ZSCAN5A: variants seen among roughly 807,000 people sequenced by gnomAD.
ZSCAN5A encodes the protein zinc finger and SCAN domain-containing protein 5A.
A neutral mutation model predicts 23.7 loss-of-function variants in ZSCAN5A; 12 were observed. The ratio of observed to expected loss-of-function variants is 0.51; its 90% CI spans 0.32 to 0.82. The LOEUF (loss-of-function observed/expected upper bound fraction) is 0.82. Ranked by LOEUF, ZSCAN5A falls within the 40% of genes least tolerant of loss-of-function variation. The pLI is 0.03. For missense variants in ZSCAN5A, 597 were observed against 617.9 expected (o/e 0.97, Z 0.36); for synonymous variants, 257 against 239.9 (o/e 1.07, Z -0.66).
chr19:56,304,220 G>C (rs1464409784), intron 2 of ZSCAN5A, among the ~76,000 whole-genome samples: 1 of 152,260 alleles, frequency 6.6e-6, no homozygotes, highest in East Asian at 1.9e-4. Context: ...ATGGAGATGA[G>C]AGCCGTGCAG....
Position 56,223,661 on chromosome 19 carries a change from C to A in ZSCAN5A, c.558G>T (p.Leu186=), listed in dbSNP as rs1346525169. 1 of 1,613,840 alleles carries A rather than the reference C, an allele frequency of 6.2e-7. No homozygotes were observed. The highest frequency in any genetic ancestry group is 8.5e-7 in the Non-Finnish European group (1 of 1,179,958). Residue 186 remains leucine (L), a synonymous_variant, in exon 4 of 6, where the codon CTG becomes CTT. Coordinates refer to ENST00000683990, the MANE Select transcript of ZSCAN5A (RefSeq NM_001322064.3). ...EGQAHRELQI[L]PRVPALSRRQ... ...TCCTGGACAATGCAGGGACCCTGGGCAGGATCTGCAGCTCTCGGTGGGCCT... is the reference window on the plus strand; with the variant it reads ...TCCTGGACAATGCAGGGACCCTGGGAAGGATCTGCAGCTCTCGGTGGGCCT...
intron 2 of ZSCAN5A, chr19:56,286,488 C>T (rs1245361068): frequency 6.6e-6 from 1 of 152,108 alleles, no homozygotes; most frequent in African/African-American, 2.4e-5. Flanking sequence ...AGTCAATAAA[C>T]TTGAAAAAGT....
chr19:56,304,571 G>A (rs919241023), intron 2 of ZSCAN5A, among the ~76,000 whole-genome samples: 9 of 152,222 alleles, frequency 5.9e-5, no homozygotes, highest in African/African-American at 2.2e-4. Context: ...TTATGGGGAT[G>A]AGGAGAACTG....
intron 2 of ZSCAN5A, among the ~76,000 whole-genome samples, chr19:56,237,772 T>C (rs2035046615): frequency 6.6e-6 from 1 of 151,806 alleles, no homozygotes; most frequent in Non-Finnish European, 1.5e-5. Flanking sequence ...ATATAAAAAT[T>C]AGCCGGGCAT....
At chr19:56,307,222 G>A (rs1179741303) in intron 2 of ZSCAN5A, among the ~76,000 whole-genome samples, 2 of 152,016 alleles carry the variant, frequency 1.3e-5, no homozygotes, top group African/African-American at 4.8e-5. Flanking sequence ...CCTCTCCCAC[G>A]TCGCCTGCCT....
chr19:56,277,662 A>C (rs2147024042), intron 2 of ZSCAN5A, among the ~76,000 whole-genome samples: 1 of 152,276 alleles, frequency 6.6e-6, no homozygotes, highest in East Asian at 1.9e-4. Context: ...GAAATGGGTG[A>C]ATTGCATGGT....
At chr19:56,343,439 G>A (rs548611826) in intron 2 of ZSCAN5A, 17 of 497,628 alleles carry the variant, frequency 3.4e-5, no homozygotes, top group African/African-American at 2.5e-4. Context: ...AAATCAAAAT[G>A]TAAGTTTCTT....
intron 2 of ZSCAN5A, among the ~76,000 whole-genome samples, chr19:56,344,927 A>G (rs1404572813): frequency 2.6e-4 from 39 of 148,050 alleles, no homozygotes; most frequent in African/African-American, 6.0e-4. Flanking sequence ...AAAAAAAAAA[A>G]AAAAAAAAGA....
At chr19:56,289,742 T>G (rs2039388252) in intron 2 of ZSCAN5A, among the ~76,000 whole-genome samples, 1 of 152,112 alleles carries the variant, frequency 6.6e-6, no homozygotes, top group African/African-American at 2.4e-5. Flanking sequence ...GCCTCCTGAG[T>G]AGCTGAGACT....
At chr19:56,298,651 CA>C (rs35911666) in intron 2 of ZSCAN5A, among the ~76,000 whole-genome samples, 67,534 of 138,662 alleles carry the variant, frequency 0.49, 16,050 homozygotes, top group Admixed American at 0.57. Flanking sequence ...GACTCCATCT[CA>C]AAAAAAAAAA....
intron 2 of ZSCAN5A, among the ~76,000 whole-genome samples, chr19:56,281,438 G>A (rs1444361607): frequency 6.6e-6 from 1 of 152,052 alleles, no homozygotes; most frequent in African/African-American, 2.4e-5. Flanking sequence ...GTTAAAGAAG[G>A]GTTTCTAACA....
upstream of ZSCAN5A, chr19:56,316,548 G>C (rs1480027760): frequency 7.0e-5 from 11 of 158,144 alleles, no homozygotes; most frequent in East Asian, 2.0e-3. Flanking sequence ...GTGCATTAGT[G>C]AGGAGGGGGG....
intron 2 of ZSCAN5A, among the ~76,000 whole-genome samples, chr19:56,230,615 A>ATATGTG (rs778155664): frequency 0.015 from 2,230 of 147,672 alleles, 39 homozygotes; most frequent in African/African-American, 0.044. Context: ...TTATTTCTTG[A>ATATGTG]TGTGTGTGTG....
intron 2 of ZSCAN5A, among the ~76,000 whole-genome samples, chr19:56,290,799 C>G (rs1307943279): frequency 6.6e-6 from 1 of 152,182 alleles, no homozygotes; most frequent in Non-Finnish European, 1.5e-5. Context: ...TCACTCTTCT[C>G]CACACTGACT....
At chr19:56,287,155 A>T (rs994731654) in intron 2 of ZSCAN5A, among the ~76,000 whole-genome samples, 1 of 152,148 alleles carries the variant, frequency 6.6e-6, no homozygotes, top group Non-Finnish European at 1.5e-5. Flanking sequence ...TGTCCATCTT[A>T]GGTGGTGAAA....
intron 2 of ZSCAN5A, among the ~76,000 whole-genome samples, chr19:56,337,428 G>A (rs1435740703): frequency 2.6e-5 from 4 of 152,196 alleles, no homozygotes; most frequent in Non-Finnish European, 5.9e-5. Context: ...TAAGCCCATT[G>A]GAAAAGTGCA....
chr19:56,319,958 A>G, intron 2 of ZSCAN5A: 3 of 1,291,270 alleles, frequency 2.3e-6, no homozygotes, highest in South Asian at 2.4e-5. Flanking sequence ...TTCATTTAGA[A>G]TTTCATGGAG....
At chr19:56,344,942 A>C (rs1342690364) in intron 2 of ZSCAN5A, among the ~76,000 whole-genome samples, 2 of 149,092 alleles carry the variant, frequency 1.3e-5, no homozygotes, top group Non-Finnish European at 3.0e-5. Flanking sequence ...AAAAGAAAAA[A>C]AAGATACAAA....
chr19:56,293,855 C>CA (rs200839740), intron 2 of ZSCAN5A, among the ~76,000 whole-genome samples: 4,304 of 152,128 alleles, frequency 0.028, 69 homozygotes, highest in Middle Eastern at 0.065. Flanking sequence ...ACCCCCACAA[C>CA]AAAAAAACTA....
Sources: allele counts gnomAD v4.1 joint callset (sites outside exome capture counted in the v4.1 genomes callset), GRCh38; gene constraint gnomAD v4.1.1; transcripts MANE v1.5; gene names NCBI Gene and HGNC (gene_info 2026-07-23, HGNC 2026-07-21).